Variants in SPSB1 observed in about 807,000 individuals in gnomAD.
SPSB1 encodes splA/ryanodine receptor domain and SOCS box containing 1, also known as SPRY domain-containing SOCS box protein 1.
A neutral mutation model predicts 21.2 loss-of-function variants in SPSB1; 8 were observed. The observed-to-expected ratio is 0.38, with a 90% CI of 0.22 to 0.68. The LOEUF is 0.68. Ranked by LOEUF, SPSB1 falls within the 30% of genes least tolerant of loss-of-function variation. The pLI is 0.53. For synonymous variants in SPSB1, 169 were observed against 161.7 expected (o/e 1.05, Z -0.34); for missense variants, 242 against 377.8 (o/e 0.64, Z 2.98).
At chr1:9,354,493 C>T (rs1640328909) in intron 1 of SPSB1, among the ~76,000 whole-genome samples, 2 of 152,028 alleles carry the variant, frequency 1.3e-5, no homozygotes, top group Non-Finnish European at 2.9e-5. Flanking sequence ...CAGAAAGAAA[C>T]TTCTCTCTTG....
intron 1 of SPSB1, among the ~76,000 whole-genome samples, chr1:9,304,058 G>A (rs530406270): frequency 1.3e-5 from 2 of 152,298 alleles, no homozygotes; most frequent in East Asian, 1.9e-4. Context: ...GTCAGCCACC[G>A]TCCAATCAGC....
Position 9,339,356 on chromosome 1 carries a change from G to T in SPSB1, c.-149-16387G>T, listed in dbSNP as rs558585442. 7 of 951,368 alleles carry T rather than the reference G, an allele frequency of 7.4e-6. No individual in the cohort carries two copies. In the African/African-American group the frequency reaches 1.1e-4, roughly 14 times the overall value. 58.9% of individuals were successfully genotyped at this position (951,368 alleles called of 1,614,324 possible). A position where few individuals can be genotyped will look rare whatever the true frequency, so the allele number is the denominator to read the frequency against. On this transcript the variant is annotated intron_variant, in intron 1 of 2. Coordinates refer to ENST00000328089, the MANE Select transcript of SPSB1 (RefSeq NM_025106.4). ...GCGTGGACTTCAGCTAGGACTTAGG[G>T]CTGTGACTCACCGCCAGGCCAGGTT...
rs75480078 is a variant in SPSB1, at chr1:9,349,479, G to A, written c.-149-6264G>A. On this transcript the variant is annotated intron_variant, in intron 1 of 2. Coordinates refer to ENST00000328089, the MANE Select transcript of SPSB1 (RefSeq NM_025106.4). The stretch of plus-strand genomic sequence containing the variant: ...AACCAGAGAGGCCAAGGGACGTGGA[G>A]CGTGAGAGGCTGAGGCCTTGGCGCC... Among the ~76,000 whole-genome samples, 1,130 of 152,372 alleles carry A rather than the reference G, an allele frequency of 7.4e-3. 15 individuals carry two copies. The highest frequency in any genetic ancestry group is 0.024 in the African/African-American group (990 of 41,588).
At chr1:9,320,292 A>G (rs757596777) in intron 1 of SPSB1, among the ~76,000 whole-genome samples, 5 of 152,088 alleles carry the variant, frequency 3.3e-5, no homozygotes, top group Non-Finnish European at 5.9e-5. Flanking sequence ...ATCAGCCATT[A>G]TTGCCTCTTG....
rs1639163491 is a variant in SPSB1, at chr1:9,293,920, G to T, written c.-150+849G>T. On this transcript the variant is annotated intron_variant, in intron 1 of 2. Transcript: ENST00000328089. This position sits in a 1 kb window ranked among gnomAD's most constrained non-coding sequence, Gnocchi z 5.1. ...CGTATGAGTGTGTCTGTGTGTTCAT[G>T]TGGGTGTGTGTGTGAGTGTGTCTCT... 6.6e-6 allele frequency among the ~76,000 whole-genome samples: 1 copy of T among 152,158 alleles called. No homozygotes were observed. Among genetic ancestry groups the T allele is most frequent in the Non-Finnish European group, 1.5e-5 (1 of 68,016 alleles).
rs147858113 is a variant in SPSB1 at position 9,321,204 on chromosome 1, G to A, written c.-150+28133G>A. ...CCTTCTTAGTTTAGTCTGCAGAGGC[G>A]TCTCAGGCGGTGGGCCTTAAACATT... On this transcript the variant is annotated intron_variant, in intron 1 of 2. Transcript: ENST00000328089. This position sits in a 1 kb window ranked among gnomAD's most constrained non-coding sequence, Gnocchi z 4.8. Among the ~76,000 whole-genome samples, 30 of 152,034 alleles carry A rather than the reference G, an allele frequency of 2.0e-4. No individual in the cohort carries two copies. The East Asian group carries it at 2.7e-3, about 14-fold the overall frequency.
intron 2 of SPSB1, among the ~76,000 whole-genome samples, chr1:9,362,448 T>G (rs1640497998): frequency 6.6e-6 from 1 of 152,236 alleles, no homozygotes; most frequent in Non-Finnish European, 1.5e-5. Context: ...CATCCTATGA[T>G]GGCCACCCGA....
chr1:9,366,491 C>T (rs564585632), intron 2 of SPSB1, among the ~76,000 whole-genome samples: 39 of 151,986 alleles, frequency 2.6e-4, no homozygotes, highest in Admixed American at 3.9e-4. Context: ...AGGGCATGGA[C>T]GCTGGGCCCA....
intron 2 of SPSB1, among the ~76,000 whole-genome samples, chr1:9,359,916 G>A (rs1402855649): frequency 2.6e-5 from 4 of 152,132 alleles, no homozygotes; most frequent in Non-Finnish European, 4.4e-5. Context: ...TGGACCGGAT[G>A]TGACGAGAAA....
intron 1 of SPSB1, among the ~76,000 whole-genome samples, chr1:9,325,134 A>G (rs1639794083): frequency 6.6e-6 from 1 of 151,838 alleles, no homozygotes; most frequent in South Asian, 2.1e-4. Context: ...CTGTGCTCTC[A>G]CTGTAGACTG....
intron 1 of SPSB1, among the ~76,000 whole-genome samples, chr1:9,338,138 C>T (rs945614192): frequency 2.0e-5 from 3 of 152,218 alleles, no homozygotes; most frequent in Non-Finnish European, 2.9e-5. Flanking sequence ...CCCCTGTCCC[C>T]TCGCTCCTCC....
In SPSB1 at chr1:9,355,866, G is replaced by C; in HGVS notation, c.-26G>C. On this transcript the variant is annotated 5_prime_UTR_variant, in exon 2 of 3. Transcript: ENST00000328089. ...ATTGATGAGTTTGCCTTGGGAGTCG[G>C]TAAGAAGGTGAAGCCAGGGGCGAAC... 6.6e-7 allele frequency: 1 copy of C among 1,526,262 alleles called. No homozygotes were observed. Among genetic ancestry groups the C allele is most frequent in the Non-Finnish European group, 8.8e-7 (1 of 1,135,700 alleles). The allele number at this position is 1,526,262 out of a possible 1,614,324, so 94.5% of individuals were successfully genotyped here. A position where few individuals can be genotyped will look rare whatever the true frequency, so the allele number is the denominator to read the frequency against.
intron 2 of SPSB1, among the ~76,000 whole-genome samples, chr1:9,366,486 A>G (rs1640573400): frequency 6.6e-6 from 1 of 151,804 alleles, no homozygotes; most frequent in African/African-American, 2.4e-5. Flanking sequence ...GGCTAAGGGC[A>G]TGGACGCTGG....
At chr1:9,330,463 C>T (rs4908844) in intron 1 of SPSB1, among the ~76,000 whole-genome samples, 73,233 of 141,684 alleles carry the variant, frequency 0.52, 18,689 homozygotes, top group Middle Eastern at 0.61. Flanking sequence ...TAAATTCTGT[C>T]TCAAAATAAT....
intron 1 of SPSB1, among the ~76,000 whole-genome samples, chr1:9,301,715 G>A (rs1639332820): frequency 6.6e-6 from 1 of 152,184 alleles, no homozygotes; most frequent in South Asian, 2.1e-4. Context: ...GTGATGCATG[G>A]GCTCAGCAGC....
intron 1 of SPSB1, among the ~76,000 whole-genome samples, chr1:9,337,446 G>C (rs926798520): frequency 6.6e-6 from 1 of 151,752 alleles, no homozygotes; most frequent in Admixed American, 6.6e-5. Context: ...TTGTTCACTC[G>C]TTTTAACTTT....
At chr1:9,310,707 A>G (rs890509108) in intron 1 of SPSB1, among the ~76,000 whole-genome samples, 2 of 151,776 alleles carry the variant, frequency 1.3e-5, no homozygotes, top group Admixed American at 6.6e-5. Flanking sequence ...AAAAAAAAAA[A>G]AGAGAGACCT....
At chr1:9,302,821 C>T (rs1639356413) in intron 1 of SPSB1, among the ~76,000 whole-genome samples, 1 of 152,138 alleles carries the variant, frequency 6.6e-6, no homozygotes. Flanking sequence ...CTGGTTTCTC[C>T]CGTAGCCAGG....
chr1:9,299,908 G>A (rs1639299332), intron 1 of SPSB1, among the ~76,000 whole-genome samples: 1 of 148,402 alleles, frequency 6.7e-6, no homozygotes, highest in South Asian at 2.1e-4. Flanking sequence ...GACTTGCAGT[G>A]AGCAGTGATT....
Sources: allele counts gnomAD v4.1 joint callset (sites outside exome capture counted in the v4.1 genomes callset), GRCh38; gene constraint gnomAD v4.1.1; non-coding constraint Gnocchi (gnomAD v3.1); transcripts MANE v1.5; gene names NCBI Gene and HGNC (gene_info 2026-07-23, HGNC 2026-07-21).